The following TGFBI variants were observed in gnomAD, a reference collection of about 807,000 sequenced individuals.
The protein encoded by TGFBI is transforming growth factor-beta-induced protein ig-h3.
A neutral mutation model predicts 73.7 loss-of-function variants in TGFBI; 50 were observed. The ratio of observed to expected loss-of-function variants is 0.68; its 90% CI spans 0.54 to 0.86. The LOEUF is 0.86. Among genes scored for constraint, TGFBI ranks in the 40% least tolerant of loss-of-function variants. The pLI is 0.00. For missense variants in TGFBI, 839 were observed against 877.0 expected (o/e 0.96, Z 0.55); for synonymous variants, 362 against 360.5 (o/e 1.00, Z -0.05).
At chr5:136,046,519 G>A (rs1469983917) in intron 4 of TGFBI, 24 bp downstream of exon 4, 1 of 1,583,062 alleles carries the variant, frequency 6.3e-7, no homozygotes, top group Non-Finnish European at 8.6e-7. Context: ...CGTCTGCCCG[G>A]GGGACTCTTA....
chr5:136,052,260 G>A (rs530988559), intron 7 of TGFBI, among the ~76,000 whole-genome samples: 10 of 152,386 alleles, frequency 6.6e-5, no homozygotes, highest in South Asian at 6.2e-4. Context: ...ATTTATGGGT[G>A]TGGTGAATGG....
intron 5 of TGFBI, 28 bp downstream of exon 5, chr5:136,047,043 GC>G (rs1751442544): frequency 6.2e-7 from 1 of 1,606,764 alleles, no homozygotes; most frequent in Non-Finnish European, 8.5e-7. Flanking sequence ...ATACTGCATG[GC>G]CCTTGGTGCA....
chr5:136,055,567 G>C, intron 10 of TGFBI, 113 bp from the exon 11 acceptor site: 1 of 1,006,542 alleles, frequency 9.9e-7, no homozygotes, highest in Non-Finnish European at 1.3e-6. Flanking sequence ...CCATCCCAGT[G>C]TATACTCCTT....
intron 8 of TGFBI, 34 bp downstream of exon 8, chr5:136,053,153 T>C: frequency 6.3e-7 from 1 of 1,588,000 alleles, no homozygotes; most frequent in East Asian, 2.2e-5. Context: ...TGGCCCTGCC[T>C]GGCCCACCAT....
chr5:136,059,154 A>G lies in TGFBI; in HGVS notation c.1743A>G (p.Gly581=), dbSNP rs1475779000. The G allele has an allele frequency of 6.2e-7, 1 of 1,611,238 alleles. No individual in the cohort carries two copies. Among genetic ancestry groups the G allele is most frequent in the Non-Finnish European group, 8.5e-7 (1 of 1,178,976 alleles). ...YHIGDEILVS[G]GIGALVRLKS... is the part of the protein sequence containing the mutation. ...TTGGTGATGAAATCCTGGTTAGCGG[A>G]GGCATCGGGGCCCTGGTGCGGCTAA... Residue 581 remains glycine (G), a synonymous_variant, in exon 13 of 17, where the codon GGA becomes GGG. Transcript: ENST00000442011.
intron 6 of TGFBI, 106 bp downstream of exon 6, chr5:136,047,526 G>A: frequency 7.1e-7 from 1 of 1,400,778 alleles, no homozygotes; most frequent in Non-Finnish European, 9.8e-7. Context: ...GCTCCTGTAG[G>A]GGAACATAGA....
intron 2 of TGFBI, among the ~76,000 whole-genome samples, chr5:136,041,150 T>G (rs568204060): frequency 6.6e-6 from 1 of 152,342 alleles, no homozygotes; most frequent in Non-Finnish European, 1.5e-5. Flanking sequence ...GCTGCTGCAC[T>G]GGGGCTGAAG....
In TGFBI at chr5:136,047,802, C is replaced by A. The variant is rs187562478; in HGVS notation, c.771+382C>A. 1.7e-4 allele frequency: 33 copies of A among 191,798 alleles called. No individual in the cohort carries two copies. The East Asian group carries it at 4.0e-3, about 23-fold the overall frequency. The allele number at this position is 191,798 out of a possible 1,614,324, so 11.9% of individuals were successfully genotyped here. A position where few individuals can be genotyped will look rare whatever the true frequency, so the allele number is the denominator to read the frequency against. On this transcript the variant is annotated intron_variant, in intron 6 of 16. Transcript: ENST00000442011. ...GTGCTTTGGGATCACATGTCCCCAC[C>A]CTAGGACCCTGGTTCCAACCATACG...
At chr5:136,053,140 C>T (rs1487426329) in intron 8 of TGFBI, 21 bp downstream of exon 8, 2 of 1,607,150 alleles carry the variant, frequency 1.2e-6, no homozygotes, top group South Asian at 1.1e-5. Context: ...CCTCCGGGGG[C>T]CTTGGCCCTG....
intron 2 of TGFBI, among the ~76,000 whole-genome samples, chr5:136,039,811 T>C (rs908592331): frequency 2.0e-5 from 3 of 152,208 alleles, no homozygotes; most frequent in African/African-American, 7.2e-5. Context: ...CATGATTTTC[T>C]ATTGGGAGGC....
In TGFBI at chr5:136,047,340, C is replaced by T. The variant is rs755263822; in HGVS notation, c.691C>T (p.Leu231Phe). 8 of 1,613,864 alleles carry T rather than the reference C, an allele frequency of 5.0e-6. No individual in the cohort carries two copies. The Admixed American group carries it at 1.2e-4, about 24-fold the overall frequency. The change falls in exon 6 of 17, where the codon CTC (leucine) becomes TTC (phenylalanine). Residue 231 changes from leucine (L) to phenylalanine (F), a missense_variant. Leu to Phe is a conservative substitution (Grantham distance 22). Coordinates refer to ENST00000442011, the MANE Select transcript of TGFBI (RefSeq NM_000358.3). ...CCATGCAACCAACGGGGTGGTGCAC[C>T]TCATCGATAAGGTCATCTCCACCAT... ...DHHATNGVVH[L>F]IDKVISTITN...
intron 2 of TGFBI, among the ~76,000 whole-genome samples, chr5:136,034,157 T>G (rs1272097135): frequency 6.6e-6 from 1 of 151,968 alleles, no homozygotes; most frequent in Non-Finnish European, 1.5e-5. Context: ...TCAATCCTCA[T>G]AAAATAATAC....
intron 6 of TGFBI, 64 bp from the exon 7 acceptor site, chr5:136,049,375 G>A: frequency 2.5e-6 from 4 of 1,581,804 alleles, no homozygotes; most frequent in East Asian, 2.3e-5. Flanking sequence ...GAAGCTGTGT[G>A]TGCATCTTCT....
intron 4 of TGFBI, 68 bp from the exon 5 acceptor site, chr5:136,046,783 G>A: frequency 6.5e-7 from 1 of 1,534,866 alleles, no homozygotes. Flanking sequence ...GTTTCCCAGA[G>A]TTGCAAGGAC....
At chr5:136,042,413 A>G (rs1396087493) in intron 2 of TGFBI, among the ~76,000 whole-genome samples, 1 of 152,244 alleles carries the variant, frequency 6.6e-6, no homozygotes, top group Non-Finnish European at 1.5e-5. Flanking sequence ...TTACTGATGG[A>G]TCACAAGTCA....
At chr5:136,033,993 G>T (rs1751170985) in intron 2 of TGFBI, 132 bp downstream of exon 2, 2 of 769,068 alleles carry the variant, frequency 2.6e-6, no homozygotes, top group African/African-American at 1.7e-5. Context: ...ACATGTCTGG[G>T]ACCTGCGTGC....
At chr5:136,052,070 T>TGG (rs113621587) in intron 7 of TGFBI, among the ~76,000 whole-genome samples, 3 of 151,684 alleles carry the variant, frequency 2.0e-5, no homozygotes, top group Admixed American at 6.6e-5. Flanking sequence ...AGCCTGGGGT[T>TGG]GGGGGGGGCT....
At chr5:136,058,447 C>T (rs1436668958) in intron 12 of TGFBI, among the ~76,000 whole-genome samples, 1 of 152,078 alleles carries the variant, frequency 6.6e-6, no homozygotes, top group African/African-American at 2.4e-5. Context: ...AGATGCCTGC[C>T]CCAGTTGCTG....
chr5:136,046,518 G>C (rs755476995), intron 4 of TGFBI, 23 bp downstream of exon 4: 6 of 1,583,198 alleles, frequency 3.8e-6, no homozygotes, highest in Admixed American at 3.6e-5. Context: ...CCGTCTGCCC[G>C]GGGGACTCTT....
Sources: allele counts gnomAD v4.1 joint callset (sites outside exome capture counted in the v4.1 genomes callset), GRCh38; gene constraint gnomAD v4.1.1; transcripts MANE v1.5; gene names NCBI Gene and HGNC (gene_info 2026-07-23, HGNC 2026-07-21).